The following PTPRD variants were observed in gnomAD, a reference collection of about 807,000 sequenced individuals.
PTPRD encodes protein tyrosine phosphatase receptor type D.
Under a neutral mutation model 214.5 loss-of-function variants are expected in PTPRD, and 34 were observed. That is an observed-to-expected ratio of 0.16 (90% CI 0.12 to 0.21). PTPRD has a LOEUF of 0.21. Among genes scored for constraint, PTPRD ranks in the 10% least tolerant of loss-of-function variants. The pLI is 1.00. For synonymous variants in PTPRD, 1,128 were observed against 845.7 expected (o/e 1.33, Z -5.79); for missense variants, 2,545 against 2,398.7 (o/e 1.06, Z -1.27).
chr9:8,933,675 G>C (rs1343014899), intron 11 of PTPRD, among the ~76,000 whole-genome samples: 1 of 152,006 alleles, frequency 6.6e-6, no homozygotes, highest in Non-Finnish European at 1.5e-5. Context: ...TTGACTCAAT[G>C]TCATCACCTG....
intron 3 of PTPRD, among the ~76,000 whole-genome samples, chr9:10,224,406 T>C (rs1430073224): frequency 6.6e-6 from 1 of 152,032 alleles, no homozygotes; most frequent in African/African-American, 2.4e-5. Context: ...ATGAGCACAA[T>C]GTGCAGGTTA....
intron 14 of PTPRD, among the ~76,000 whole-genome samples, chr9:8,587,654 G>C (rs941099571): frequency 6.6e-6 from 1 of 152,046 alleles, no homozygotes; most frequent in South Asian, 2.1e-4. Flanking sequence ...TATCCCAAAA[G>C]GAAAATAAAG....
chr9:8,393,309 T>A (rs1292292258), intron 36 of PTPRD, among the ~76,000 whole-genome samples: 1 of 152,190 alleles, frequency 6.6e-6, no homozygotes, highest in Non-Finnish European at 1.5e-5. Flanking sequence ...GAAATGTAAC[T>A]TGAAATGTAG....
At chr9:9,715,942 C>T (rs928195942) in intron 7 of PTPRD, among the ~76,000 whole-genome samples, 29 of 152,180 alleles carry the variant, frequency 1.9e-4, no homozygotes, top group South Asian at 8.3e-4. Context: ...CATGCTGGTG[C>T]GCTGCACCCA....
intron 2 of PTPRD, among the ~76,000 whole-genome samples, chr9:10,473,354 A>G (rs2099043261): frequency 6.6e-6 from 1 of 152,086 alleles, no homozygotes; most frequent in Non-Finnish European, 1.5e-5. Flanking sequence ...TTGGAAAGCC[A>G]CCATAGTTAT....
At chr9:9,528,041 T>C (rs1255103190) in intron 8 of PTPRD, among the ~76,000 whole-genome samples, 1 of 152,214 alleles carries the variant, frequency 6.6e-6, no homozygotes, top group Admixed American at 6.5e-5. Flanking sequence ...AGGGCATTTC[T>C]AGGCAAGCAA....
chr9:8,876,525 C>T (rs1323302619), intron 11 of PTPRD, among the ~76,000 whole-genome samples: 3 of 152,138 alleles, frequency 2.0e-5, no homozygotes, highest in African/African-American at 7.2e-5. Flanking sequence ...CACTTTACTA[C>T]AGTATCCTCA....
At chr9:10,040,345 C>A (rs12554898) in intron 3 of PTPRD, among the ~76,000 whole-genome samples, 1 of 151,708 alleles carries the variant, frequency 6.6e-6, no homozygotes, top group Non-Finnish European at 1.5e-5. Context: ...ATTCAACAAT[C>A]GGTCGAAACA....
rs146230278 is a variant in PTPRD, at chr9:10,232,474, G to A, written c.-545+108489C>T. Among the ~76,000 whole-genome samples the A allele has an allele frequency of 9.6e-3, 1,460 of 152,064 alleles. 13 individuals carry two copies. Among genetic ancestry groups the A allele is most frequent in the Non-Finnish European group, 0.015 (1,052 of 67,940 alleles). On this transcript the variant is annotated intron_variant, in intron 3 of 45. Coordinates refer to ENST00000381196, the MANE Select transcript of PTPRD (RefSeq NM_002839.4). ...AGGAAAGTCTGGCACTGGAGTAAAG[G>A]AAGAGTACAACAAAGCATCACTTCT... is the stretch of plus-strand genomic sequence containing the variant.
At chr9:9,578,091 C>CTTCCT (rs1238164444) in intron 7 of PTPRD, among the ~76,000 whole-genome samples, 12 of 143,638 alleles carry the variant, frequency 8.4e-5, no homozygotes, top group African/African-American at 3.1e-4. Flanking sequence ...ATATACTTCT[C>CTTCCT]TCATTTGTAC....
intron 3 of PTPRD, among the ~76,000 whole-genome samples, chr9:10,244,227 A>T (rs1015197381): frequency 6.6e-5 from 10 of 152,094 alleles, no homozygotes; most frequent in Non-Finnish European, 1.3e-4. Flanking sequence ...ATTCTTTTAC[A>T]TCAAACATAC....
chr9:9,843,766 A>G (rs1402094811), intron 5 of PTPRD, among the ~76,000 whole-genome samples: 1 of 152,036 alleles, frequency 6.6e-6, no homozygotes, highest in Non-Finnish European at 1.5e-5. Flanking sequence ...TAAATTGCTG[A>G]TTAAATAATA....
intron 7 of PTPRD, among the ~76,000 whole-genome samples, chr9:9,729,355 C>T (rs1381660862): frequency 6.6e-6 from 1 of 152,054 alleles, no homozygotes; most frequent in East Asian, 1.9e-4. Context: ...AAGAGAAAGA[C>T]TGAAAATGCA....
intron 10 of PTPRD, among the ~76,000 whole-genome samples, chr9:9,109,809 G>A (rs931126449): frequency 2.0e-5 from 3 of 152,090 alleles, no homozygotes; most frequent in African/African-American, 7.2e-5. Context: ...GCCTAGATAT[G>A]GTGGCCTTCT....
intron 4 of PTPRD, among the ~76,000 whole-genome samples, chr9:9,970,653 G>A (rs1200560971): frequency 1.3e-5 from 2 of 152,056 alleles, no homozygotes; most frequent in African/African-American, 4.8e-5. Flanking sequence ...TGTTTAGGTA[G>A]TTACAGAGAA....
chr9:9,887,241 A>C (rs1280562522), intron 5 of PTPRD, among the ~76,000 whole-genome samples: 1 of 152,046 alleles, frequency 6.6e-6, no homozygotes, highest in Admixed American at 6.6e-5. Context: ...TATTTACCTT[A>C]TTTACCACCA....
intron 5 of PTPRD, among the ~76,000 whole-genome samples, chr9:9,783,251 A>AT (rs34339304): frequency 5.9e-5 from 9 of 152,112 alleles, no homozygotes; most frequent in East Asian, 1.9e-4. Flanking sequence ...GCATTTGTAT[A>AT]TTTTTTTACC....
intron 3 of PTPRD, among the ~76,000 whole-genome samples, chr9:10,190,386 GAAAAAAAAAAAAAAAAAAAAA>G (rs66511711): frequency 2.0e-5 from 1 of 50,156 alleles, no homozygotes; most frequent in East Asian, 5.2e-4. Context: ...TCTATCTCCA[GAAAAAAAAAAAAAAAAAAAAA>G]AAAAAAAAAA....
intron 32 of PTPRD, among the ~76,000 whole-genome samples, chr9:8,462,690 C>T (rs1289709947): frequency 6.6e-6 from 1 of 151,888 alleles, no homozygotes; most frequent in Non-Finnish European, 1.5e-5. Flanking sequence ...AATACTGCCT[C>T]CAATGAAACC....
Sources: allele counts gnomAD v4.1 joint callset (sites outside exome capture counted in the v4.1 genomes callset), GRCh38; gene constraint gnomAD v4.1.1; transcripts MANE v1.5; gene names NCBI Gene and HGNC (gene_info 2026-07-23, HGNC 2026-07-21).